The following ATF7IP2 variants were observed in gnomAD, a reference collection of about 807,000 sequenced individuals.
The protein encoded by ATF7IP2 is activating transcription factor 7-interacting protein 2.
In ATF7IP2, 42 loss-of-function variants were observed where a neutral mutation model predicts 64.2. The observed-to-expected ratio is 0.65, with a 90% CI of 0.51 to 0.85. The LOEUF (loss-of-function observed/expected upper bound fraction) is 0.85. Ranked by LOEUF, ATF7IP2 falls within the 40% of genes least tolerant of loss-of-function variation. The pLI is 0.00. For missense variants in ATF7IP2, 933 were observed against 784.2 expected, an observed-to-expected ratio of 1.19 and a Z score of -2.27; for synonymous variants, 308 against 272.8, an observed-to-expected ratio of 1.13 and a Z score of -1.27.
Position 10,472,166 on chromosome 16 carries a change from T to C in ATF7IP2, c.1409T>C (p.Ile470Thr). ...SVESPNLTTP[I>T]TSNPTDTRKI... ...GAAAGTCCTAATTTGACAACTCCAA[T>C]TACATCAAATCCAACAGGTATCTTA... Residue 470 changes from isoleucine to threonine, a missense_variant, in exon 10 of 14, where the codon ATT becomes ACT. Ile to Thr is a moderately conservative substitution (Grantham distance 89). Coordinates refer to ENST00000562102, the MANE Select transcript of ATF7IP2 (RefSeq NM_001393719.1). The C allele has an allele frequency of 6.4e-7, 1 of 1,562,928 alleles. No homozygotes were observed. The highest frequency in any genetic ancestry group is 8.8e-7 in the Non-Finnish European group (1 of 1,142,512).
intron 1 of ATF7IP2, among the ~76,000 whole-genome samples, chr16:10,413,640 T>C (rs566587878): frequency 6.6e-6 from 1 of 152,354 alleles, no homozygotes; most frequent in African/African-American, 2.4e-5. Context: ...ATGAGATTTA[T>C]GCTTTAAAGA....
chr16:10,419,321 G>A (rs1312425073), intron 2 of ATF7IP2, among the ~76,000 whole-genome samples: 4 of 152,138 alleles, frequency 2.6e-5, no homozygotes, highest in Admixed American at 2.0e-4. Flanking sequence ...ATTCCTAACA[G>A]TTCCTTCCTC....
In ATF7IP2 at chr16:10,412,010, G is replaced by GGTTTTTTTTTTTTT. The variant is rs1476575065; in HGVS notation, c.-241-2564_-241-2563insGTTTTTTTTTTTTT. Among the ~76,000 whole-genome samples the GGTTTTTTTTTTTTT allele has an allele frequency of 7.0e-4, 41 of 58,398 alleles. 8 individuals are homozygous for GGTTTTTTTTTTTTT. Among genetic ancestry groups the GGTTTTTTTTTTTTT allele is most frequent in the East Asian group, 1.1e-3 (2 of 1,776 alleles). 38.3% of individuals were successfully genotyped at this position (58,398 alleles called of 152,430 possible). ...CTTTTTGTTTCATTTATCTTTTTTT[G>GGTTTTTTTTTTTTT]TTTTTTTTTTTTTTTTTTTTTTTTT... is the stretch of plus-strand genomic sequence containing the variant. On this transcript the variant is annotated intron_variant, in intron 1 of 13. Transcript: ENST00000562102.
At chr16:10,389,197 A>G (rs527357540) in intron 1 of ATF7IP2, among the ~76,000 whole-genome samples, 1 of 152,318 alleles carries the variant, frequency 6.6e-6, no homozygotes, top group South Asian at 2.1e-4. Flanking sequence ...GGTTCAGTTG[A>G]TATCTCCAGG....
chr16:10,433,975 T>A (rs59023972), intron 6 of ATF7IP2, among the ~76,000 whole-genome samples: 4,359 of 152,268 alleles, frequency 0.029, 191 homozygotes, highest in African/African-American at 0.099. Context: ...TTCAGCTTTA[T>A]TAAAGAATCC....
intron 9 of ATF7IP2, among the ~76,000 whole-genome samples, chr16:10,462,236 G>A (rs1485048067): frequency 1.3e-5 from 2 of 151,966 alleles, no homozygotes; most frequent in Non-Finnish European, 2.9e-5. Context: ...AAGTCCTAGA[G>A]GATGACTACT....
intron 1 of ATF7IP2, chr16:10,387,822 A>ACC (rs2047232089): frequency 2.8e-5 from 2 of 71,914 alleles, no homozygotes; most frequent in African/African-American, 1.4e-4. Flanking sequence ...AGTCTATTTT[A>ACC]CTCCCCCCCC....
chr16:10,406,932 C>G (rs1163780087), intron 1 of ATF7IP2, among the ~76,000 whole-genome samples: 1 of 151,976 alleles, frequency 6.6e-6, no homozygotes, highest in Non-Finnish European at 1.5e-5. Flanking sequence ...ATACCAAAAC[C>G]AAACAGACAC....
At chr16:10,479,394 C>T (rs1218046801) in intron 12 of ATF7IP2, among the ~76,000 whole-genome samples, 5 of 151,956 alleles carry the variant, frequency 3.3e-5, no homozygotes, top group African/African-American at 9.7e-5. Flanking sequence ...AGTAAACTAT[C>T]GCAAGAACAA....
At chr16:10,457,683 G>C in intron 9 of ATF7IP2, 154 bp downstream of exon 9, 4 of 590,518 alleles carry the variant, frequency 6.8e-6, no homozygotes, top group Non-Finnish European at 7.8e-6. Context: ...TACTTCAGTT[G>C]TGGGGGTTTT....
intron 6 of ATF7IP2, 76 bp downstream of exon 6, chr16:10,433,725 A>C (rs2048329640): frequency 2.6e-6 from 4 of 1,515,480 alleles, no homozygotes; most frequent in East Asian, 4.6e-5. Flanking sequence ...TCTGGTCCCC[A>C]CAGTGGCATA....
At chr16:10,430,234 CTTTT>C (rs934763623) in intron 4 of ATF7IP2, among the ~76,000 whole-genome samples, 2 of 151,840 alleles carry the variant, frequency 1.3e-5, no homozygotes, top group Non-Finnish European at 2.9e-5. Flanking sequence ...TTTATAAAAA[CTTTT>C]TTTTGTTTTT....
At chr16:10,467,504 T>C (rs1301518857) in intron 9 of ATF7IP2, among the ~76,000 whole-genome samples, 4 of 152,018 alleles carry the variant, frequency 2.6e-5, no homozygotes, top group Non-Finnish European at 4.4e-5. Flanking sequence ...TGACTACTAT[T>C]ACTAGAAGAC....
intron 12 of ATF7IP2, 62 bp downstream of exon 12, chr16:10,474,051 C>T (rs2049911731): frequency 5.6e-6 from 6 of 1,079,918 alleles, no homozygotes; most frequent in South Asian, 2.7e-5. Flanking sequence ...ACTCATAATG[C>T]ACTGGGTCTA....
rs1361512014 is a variant in ATF7IP2 at position 10,481,780 on chromosome 16, C to G, written c.1636-56C>G. 3.7e-6 allele frequency: 5 copies of G among 1,366,066 alleles called. No individual in the cohort carries two copies. The East Asian group carries it at 1.2e-4, about 32-fold the overall frequency. 84.6% of individuals were successfully genotyped at this position (1,366,066 alleles called of 1,614,324 possible). ...ATTGAAGAATGAGAAATATATATTT[C>G]TACAACTGCAATTGACCACTTTAAA... On this transcript the variant is annotated intron_variant, in intron 13 of 13. Coordinates refer to ENST00000562102, the MANE Select transcript of ATF7IP2 (RefSeq NM_001393719.1).
chr16:10,424,549 A>G (rs1263837279), intron 3 of ATF7IP2, among the ~76,000 whole-genome samples: 1 of 152,242 alleles, frequency 6.6e-6, no homozygotes, highest in Admixed American at 6.5e-5. Context: ...GGAATGGGAA[A>G]GACAATCCAT....
chr16:10,429,734 A>ATTTT (rs1235044654), intron 4 of ATF7IP2, among the ~76,000 whole-genome samples: 1 of 101,900 alleles, frequency 9.8e-6, no homozygotes, highest in Admixed American at 9.3e-5. Context: ...TATTTTATTT[A>ATTTT]TTTTATTTTA....
At chr16:10,440,850 A>T (rs2048593793) in intron 8 of ATF7IP2, among the ~76,000 whole-genome samples, 1 of 152,190 alleles carries the variant, frequency 6.6e-6, no homozygotes, top group African/African-American at 2.4e-5. Flanking sequence ...TGTCAGACCC[A>T]TCAACCTGTC....
chr16:10,424,836 G>A (rs1043327397), intron 3 of ATF7IP2, among the ~76,000 whole-genome samples: 1 of 152,150 alleles, frequency 6.6e-6, no homozygotes, highest in African/African-American at 2.4e-5. Context: ...AAACAGATAA[G>A]AAGTGTTGGT....
Sources: allele counts gnomAD v4.1 joint callset (sites outside exome capture counted in the v4.1 genomes callset), GRCh38; gene constraint gnomAD v4.1.1; transcripts MANE v1.5; gene names NCBI Gene and HGNC (gene_info 2026-07-23, HGNC 2026-07-21).